Variants in OLFM2 observed in about 807,000 individuals in gnomAD.
OLFM2 encodes the protein noelin-2.
A neutral mutation model predicts 43.9 loss-of-function variants in OLFM2; 20 were observed. That is an observed-to-expected ratio of 0.46 (90% CI 0.32 to 0.66). The LOEUF is 0.66. OLFM2 is among the 30% of genes least tolerant of loss of function. OLFM2 has a pLI of 0.04. For missense variants in OLFM2, 416 were observed against 643.6 expected (o/e 0.65, Z 3.83); for synonymous variants, 268 against 278.6 (o/e 0.96, Z 0.38).
chr19:9,888,909 G>A (rs914504803), intron 1 of OLFM2, among the ~76,000 whole-genome samples: 1 of 151,736 alleles, frequency 6.6e-6, no homozygotes, highest in Non-Finnish European at 1.5e-5. Flanking sequence ...TACTAAAAAT[G>A]TAAAAAATTA....
At chr19:9,889,310 C>A (rs577756564) in intron 1 of OLFM2, among the ~76,000 whole-genome samples, 2 of 151,910 alleles carry the variant, frequency 1.3e-5, no homozygotes, top group Admixed American at 6.6e-5. Flanking sequence ...AGTGCAGTGG[C>A]GCGATCACAG....
chr19:9,935,334 TGGA>T (rs1405019464), intron 1 of OLFM2, among the ~76,000 whole-genome samples: 1 of 152,082 alleles, frequency 6.6e-6, no homozygotes, highest in Non-Finnish European at 1.5e-5. Flanking sequence ...ACTCCCAAGA[TGGA>T]GGAGGAGAGG....
chr19:9,893,471 G>A (rs1157677013), intron 1 of OLFM2, among the ~76,000 whole-genome samples: 1 of 152,040 alleles, frequency 6.6e-6, no homozygotes, highest in Non-Finnish European at 1.5e-5. Context: ...GGCCAATCAT[G>A]GAGCATCTTA....
intron 1 of OLFM2, among the ~76,000 whole-genome samples, chr19:9,882,410 C>A (rs189923040): frequency 2.6e-5 from 4 of 151,370 alleles, no homozygotes; most frequent in African/African-American, 9.7e-5. Flanking sequence ...AGGTGGCGGG[C>A]GCCTGTAGTC....
intron 1 of OLFM2, among the ~76,000 whole-genome samples, chr19:9,925,549 A>G (rs111391720): frequency 0.096 from 14,654 of 151,890 alleles, 865 homozygotes; most frequent in Non-Finnish European, 0.12. Context: ...CCTGGGCTCA[A>G]GTAATCCTCC....
intron 2 of OLFM2, among the ~76,000 whole-genome samples, chr19:9,860,271 A>T (rs1008259393): frequency 1.1e-4 from 17 of 152,204 alleles, no homozygotes; most frequent in African/African-American, 4.1e-4. Context: ...TGAGCCCAGG[A>T]GATTGAGACC....
intron 1 of OLFM2, among the ~76,000 whole-genome samples, chr19:9,894,376 C>CAGTAATAAT (rs58964211): frequency 5.2e-4 from 61 of 118,284 alleles, no homozygotes; most frequent in Admixed American, 9.9e-4. Context: ...GACTCTCTCT[C>CAGTAATAAT]AATAATAATA....
At chr19:9,905,842 T>C (rs920600127) in intron 1 of OLFM2, among the ~76,000 whole-genome samples, 1 of 152,156 alleles carries the variant, frequency 6.6e-6, no homozygotes, top group South Asian at 2.1e-4. Flanking sequence ...ACAGGCGCTA[T>C]ACCCTGAGCA....
At chr19:9,888,448 T>TGC (rs1555726157) in intron 1 of OLFM2, among the ~76,000 whole-genome samples, 2 of 149,298 alleles carry the variant, frequency 1.3e-5, no homozygotes, top group Admixed American at 6.7e-5. Flanking sequence ...CGCTTGAGCC[T>TGC]GGGGGGCGGA....
chr19:9,890,851 G>A (rs1241683595), intron 1 of OLFM2, among the ~76,000 whole-genome samples: 2 of 152,214 alleles, frequency 1.3e-5, no homozygotes, highest in East Asian at 3.8e-4. Context: ...CTACTCAGGA[G>A]GCTGAGGCAG....
At chr19:9,913,795 T>G (rs1156610039) in intron 1 of OLFM2, 1 of 503,866 alleles carries the variant, frequency 2.0e-6, no homozygotes, top group Non-Finnish European at 2.6e-6. Context: ...GGACGCGGGC[T>G]GCGGCTCGGC....
At chr19:9,903,464 G>T (rs552763650) in intron 1 of OLFM2, among the ~76,000 whole-genome samples, 16 of 152,128 alleles carry the variant, frequency 1.1e-4, no homozygotes, top group Admixed American at 4.6e-4. Context: ...GCCCTTCCAT[G>T]ATTAACTCTC....
intron 1 of OLFM2, chr19:9,913,843 G>T: frequency 4.6e-6 from 1 of 215,506 alleles, no homozygotes; most frequent in Non-Finnish European, 7.9e-6. Flanking sequence ...GCCGGCTCGG[G>T]CCCCCGCCCC....
chr19:9,875,747 T>G (rs745407853), intron 1 of OLFM2, among the ~76,000 whole-genome samples: 9 of 151,730 alleles, frequency 5.9e-5, no homozygotes, highest in Non-Finnish European at 1.0e-4. Flanking sequence ...GCTCAAGCAA[T>G]CCTCCCACCT....
At chr19:9,911,656 T>C (rs2046828607) in intron 1 of OLFM2, among the ~76,000 whole-genome samples, 1 of 152,102 alleles carries the variant, frequency 6.6e-6, no homozygotes. Flanking sequence ...GCACACACGT[T>C]TGCACAGATA....
chr19:9,855,460 C>A (rs771152484), intron 5 of OLFM2, among the ~76,000 whole-genome samples: 1 of 151,948 alleles, frequency 6.6e-6, no homozygotes, highest in Non-Finnish European at 1.5e-5. Context: ...AGGCTGGTCT[C>A]AAACTCCCGA....
At chr19:9,874,876 A>C (rs1244811652) in intron 1 of OLFM2, among the ~76,000 whole-genome samples, 1 of 152,158 alleles carries the variant, frequency 6.6e-6, no homozygotes, top group Non-Finnish European at 1.5e-5. Context: ...GGCCTCACAA[A>C]GTGCTGGGAT....
At chr19:9,860,151 GAA>G (rs60888104) in intron 2 of OLFM2, among the ~76,000 whole-genome samples, 74 of 137,514 alleles carry the variant, frequency 5.4e-4, no homozygotes, top group African/African-American at 9.4e-4. Context: ...GTCTCAAGGA[GAA>G]AAAAAAAAAA....
At chr19:9,908,098 C>G (rs902863036) in intron 1 of OLFM2, among the ~76,000 whole-genome samples, 5 of 152,004 alleles carry the variant, frequency 3.3e-5, no homozygotes, top group African/African-American at 1.2e-4. Flanking sequence ...CATCACCTTC[C>G]TTCCCTCACC....
Sources: allele counts gnomAD v4.1 joint callset (sites outside exome capture counted in the v4.1 genomes callset), GRCh38; gene constraint gnomAD v4.1.1; transcripts MANE v1.5; gene names NCBI Gene and HGNC (gene_info 2026-07-23, HGNC 2026-07-21).